The following CSMD1 variants were observed in gnomAD, a reference collection of about 807,000 sequenced individuals.
CSMD1 encodes the protein CUB and sushi domain-containing protein 1.
Under a neutral mutation model 417.5 loss-of-function variants are expected in CSMD1, and 213 were observed. The ratio of observed to expected loss-of-function variants is 0.51; its 90% CI spans 0.46 to 0.57. The LOEUF is 0.57. Ranked by LOEUF, CSMD1 falls within the 20% of genes least tolerant of loss-of-function variation. The pLI, the probability that CSMD1 is intolerant of heterozygous loss-of-function variation, is 0.00. For synonymous variants in CSMD1, 2,862 were observed against 1,736.8 expected (o/e 1.65, Z -16.11); for missense variants, 6,923 against 4,529.7 (o/e 1.53, Z -15.17).
chr8:4,787,333 T>C (rs1585097431), intron 1 of CSMD1: 3 of 730,462 alleles, frequency 4.1e-6, no homozygotes, highest in Admixed American at 2.0e-5. Flanking sequence ...CTCAGGATAA[T>C]GGCGACAGCT....
chr8:3,556,767 T>G (rs1799173713), intron 10 of CSMD1, among the ~76,000 whole-genome samples: 1 of 152,130 alleles, frequency 6.6e-6, no homozygotes, highest in South Asian at 2.1e-4. Flanking sequence ...GCCTAGCTGC[T>G]CAGCCTCTGA....
intron 5 of CSMD1, among the ~76,000 whole-genome samples, chr8:3,992,754 C>A (rs1185480716): frequency 3.3e-5 from 5 of 152,328 alleles, no homozygotes; most frequent in East Asian, 3.9e-4. Flanking sequence ...GTACTCCACA[C>A]TGGGTGACAG....
chr8:4,953,691 T>C (rs991521094), intron 1 of CSMD1, among the ~76,000 whole-genome samples: 4 of 152,218 alleles, frequency 2.6e-5, no homozygotes, highest in Admixed American at 2.0e-4. Flanking sequence ...ATTATCAATA[T>C]GCTATTTTTA....
chr8:3,246,774 T>C (rs902470736), intron 26 of CSMD1, among the ~76,000 whole-genome samples: 2 of 152,178 alleles, frequency 1.3e-5, no homozygotes, highest in African/African-American at 4.8e-5. Flanking sequence ...GGCCTGGACT[T>C]TTTATTTTCT....
At chr8:3,821,810 A>T (rs1182581837) in intron 5 of CSMD1, among the ~76,000 whole-genome samples, 1 of 152,086 alleles carries the variant, frequency 6.6e-6, no homozygotes, top group Non-Finnish European at 1.5e-5. Context: ...ACAAACAAAC[A>T]AACAAAAAGT....
At chr8:4,771,794 T>C (rs1038484309) in intron 1 of CSMD1, among the ~76,000 whole-genome samples, 14 of 152,214 alleles carry the variant, frequency 9.2e-5, no homozygotes, top group African/African-American at 3.1e-4. Context: ...ACATCCCTGA[T>C]GTTCCCAAAG....
At chr8:3,262,226 TATATAC>T (rs1328811802) in intron 26 of CSMD1, among the ~76,000 whole-genome samples, 17 of 112,316 alleles carry the variant, frequency 1.5e-4, no homozygotes, top group African/African-American at 5.1e-4. Context: ...TATATATATA[TATATAC>T]ACACACATAG....
At chr8:3,955,645 C>A (rs1811890298) in intron 5 of CSMD1, among the ~76,000 whole-genome samples, 1 of 152,106 alleles carries the variant, frequency 6.6e-6, no homozygotes, top group South Asian at 2.1e-4. Context: ...CTCACTACTT[C>A]CTCTTTCACC....
chr8:4,148,701 C>G (rs1425773515), intron 3 of CSMD1, among the ~76,000 whole-genome samples: 1 of 152,022 alleles, frequency 6.6e-6, no homozygotes, highest in African/African-American at 2.4e-5. Flanking sequence ...GGGCACTCAG[C>G]CCACAGCGAG....
chr8:3,798,537 A>G (rs576326814), intron 5 of CSMD1, among the ~76,000 whole-genome samples: 11 of 152,232 alleles, frequency 7.2e-5, no homozygotes, highest in African/African-American at 2.4e-4. Flanking sequence ...CAAAGATCAT[A>G]TGAAAACACT....
chr8:4,228,010 G>A (rs939428909), intron 3 of CSMD1, among the ~76,000 whole-genome samples: 9 of 151,026 alleles, frequency 6.0e-5, no homozygotes, highest in Non-Finnish European at 1.5e-5. Context: ...CACACCTGGA[G>A]ACATACCCTC....
chr8:3,466,984 G>A (rs1177855742), intron 12 of CSMD1, among the ~76,000 whole-genome samples: 1 of 152,068 alleles, frequency 6.6e-6, no homozygotes, highest in Non-Finnish European at 1.5e-5. Flanking sequence ...TTTTGTCAAA[G>A]ATAACACATG....
intron 3 of CSMD1, among the ~76,000 whole-genome samples, chr8:4,171,021 C>G (rs1316775947): frequency 6.6e-6 from 1 of 151,890 alleles, no homozygotes; most frequent in African/African-American, 2.4e-5. Context: ...TAATGGCCTT[C>G]CATATGCAGA....
At chr8:4,770,159 A>G (rs1200937331) in intron 1 of CSMD1, among the ~76,000 whole-genome samples, 19 of 150,846 alleles carry the variant, frequency 1.3e-4, no homozygotes. Context: ...TACAGATTCA[A>G]TACATATTCC....
intron 60 of CSMD1, among the ~76,000 whole-genome samples, chr8:2,962,989 A>T (rs895053113): frequency 7.9e-5 from 12 of 152,204 alleles, no homozygotes; most frequent in Non-Finnish European, 1.5e-5. Context: ...TTGAGGCTGC[A>T]GGGAGCTATG....
rs989737847 is a variant in CSMD1 at position 3,468,640 on chromosome 8, C to G, written c.1561+72G>C. On this transcript the variant is annotated intron_variant, in intron 12 of 69. Coordinates refer to ENST00000635120, the MANE Select transcript of CSMD1 (RefSeq NM_033225.6). The stretch of plus-strand genomic sequence containing the variant: ...ACTTGTTGATTTTACTTCTACCTAA[C>G]CAACACAGAATGCTCTCTGCCCTCT... The G allele has an allele frequency of 6.6e-5, 60 of 903,972 alleles. No homozygotes were observed. The South Asian group carries it at 8.4e-4, about 13-fold the overall frequency. The allele number at this position is 903,972 out of a possible 1,614,324, so 56.0% of individuals were successfully genotyped here.
chr8:4,491,901 C>T (rs1401441946), intron 2 of CSMD1, among the ~76,000 whole-genome samples: 1 of 152,084 alleles, frequency 6.6e-6, no homozygotes, highest in African/African-American at 2.4e-5. Flanking sequence ...AAGTTATGTT[C>T]ACACAAAATC....
chr8:4,201,012 G>A (rs1259912295), intron 3 of CSMD1, among the ~76,000 whole-genome samples: 2 of 152,098 alleles, frequency 1.3e-5, no homozygotes, highest in Non-Finnish European at 2.9e-5. Flanking sequence ...ATATCAGTGT[G>A]GAAGGCATCA....
At chr8:3,605,779 A>T (rs1801582811) in intron 8 of CSMD1, among the ~76,000 whole-genome samples, 1 of 152,186 alleles carries the variant, frequency 6.6e-6, no homozygotes, top group Admixed American at 6.5e-5. Context: ...TTAAGTCATA[A>T]ATAGCACTCT....
Sources: allele counts gnomAD v4.1 joint callset (sites outside exome capture counted in the v4.1 genomes callset), GRCh38; gene constraint gnomAD v4.1.1; transcripts MANE v1.5; gene names NCBI Gene and HGNC (gene_info 2026-07-23, HGNC 2026-07-21).